USP54: variants seen among roughly 807,000 people sequenced by gnomAD.
USP54 encodes ubiquitin carboxyl-terminal hydrolase 54.
USP54 carries 87 observed loss-of-function variants against 170.5 expected under a neutral mutation model. That is an observed-to-expected ratio of 0.51 (90% CI 0.43 to 0.61). USP54 has a LOEUF of 0.61. USP54 is among the 20% of genes least tolerant of loss of function. USP54 has a pLI of 0.00. For synonymous variants in USP54, 655 were observed against 742.8 expected (o/e 0.88, Z 1.92); for missense variants, 1,786 against 2,047.8 (o/e 0.87, Z 2.47).
At chr10:73,624,698 T>C (rs2081384458) in intron 1 of USP54, among the ~76,000 whole-genome samples, 1 of 152,196 alleles carries the variant, frequency 6.6e-6, no homozygotes, top group South Asian at 2.1e-4. Context: ...TCACTACAAA[T>C]AACAGTTAAC....
intron 5 of USP54, among the ~76,000 whole-genome samples, chr10:73,543,515 C>T (rs1057369093): frequency 7.3e-5 from 11 of 151,552 alleles, no homozygotes; most frequent in Non-Finnish European, 1.3e-4. Flanking sequence ...TACAGGCGCC[C>T]GCCACCACGC....
intron 4 of USP54, among the ~76,000 whole-genome samples, chr10:73,547,192 A>C (rs1324504624): frequency 2.0e-5 from 3 of 152,190 alleles, no homozygotes; most frequent in Non-Finnish European, 2.9e-5. Context: ...ACTTGAGCTC[A>C]GGAGAACAAG....
At chr10:73,558,137 C>A (rs1338449489) in intron 4 of USP54, among the ~76,000 whole-genome samples, 1 of 152,138 alleles carries the variant, frequency 6.6e-6, no homozygotes, top group Non-Finnish European at 1.5e-5. Flanking sequence ...ACTTCGGCCC[C>A]ACAAAGTGCT....
At chr10:73,560,482 C>T (rs1376186130) in intron 4 of USP54, among the ~76,000 whole-genome samples, 8 of 148,412 alleles carry the variant, frequency 5.4e-5, no homozygotes, top group Non-Finnish European at 1.2e-4. Flanking sequence ...GGTGAAACCC[C>T]GTCTCTACTA....
chr10:73,520,932 A>G lies in USP54; in HGVS notation c.2458T>C (p.Leu820=). Residue 820 remains leucine, a synonymous_variant, in exon 18 of 24, where the codon TTG becomes CTG. Coordinates refer to ENST00000687698, the MANE Select transcript of USP54 (RefSeq NM_001391956.1). The part of the protein sequence containing the change: ...LEQKGDCAAA[L]ALCNEAISKL... ...CAGATAGCTTCATTACAGAGAGCCAAAGCTGCAGCACAGTCTCCTTTCTGT... is the reference window on the plus strand; with the variant it reads ...CAGATAGCTTCATTACAGAGAGCCAGAGCTGCAGCACAGTCTCCTTTCTGT... The G allele has an allele frequency of 6.2e-7, 1 of 1,614,198 alleles. No individual in the cohort carries two copies. The highest frequency in any genetic ancestry group is 1.3e-5 in the African/African-American group (1 of 75,064).
intron 1 of USP54, among the ~76,000 whole-genome samples, chr10:73,612,145 T>C (rs902070338): frequency 2.6e-5 from 4 of 152,156 alleles, no homozygotes; most frequent in African/African-American, 9.7e-5. Context: ...GAAAACCTAA[T>C]TTATCCTATA....
chr10:73,530,400 G>A lies in USP54; in HGVS notation c.1571C>T (p.Ser524Phe). ...GCAGTGAGAGCCTACATTGGTCTGA[G>A]AAGCCAGGGATGGTCTGTTATGGAT... Reference protein sequence around the residue: ...NMIHNRPSLASQTNVGSHCRG... With the variant: ...NMIHNRPSLAFQTNVGSHCRG... The change falls in exon 14 of 24, where the codon TCT (serine) becomes TTT (phenylalanine). Residue 524 changes from serine (S) to phenylalanine (F), a missense_variant. By Grantham distance (155) the Ser-to-Phe change is radical. This residue lies in a region of USP54 where 1,418 missense variants were observed against 1,569.0 expected (regional missense o/e 0.90). Coordinates refer to ENST00000687698, the MANE Select transcript of USP54 (RefSeq NM_001391956.1). The A allele has an allele frequency of 1.2e-6, 2 of 1,614,184 alleles. No homozygotes were observed. Among genetic ancestry groups the A allele is most frequent in the Admixed American group, 1.7e-5 (1 of 60,030 alleles).
At chr10:73,518,080 A>C in intron 19 of USP54, 2 of 774,974 alleles carry the variant, frequency 2.6e-6, no homozygotes, top group Non-Finnish European at 3.1e-6. Flanking sequence ...ATTAGGAAAC[A>C]AAATCAGCTA....
intron 3 of USP54, among the ~76,000 whole-genome samples, chr10:73,574,708 C>CAG (rs1213237425): frequency 6.6e-6 from 1 of 151,852 alleles, no homozygotes; most frequent in Admixed American, 6.6e-5. Flanking sequence ...ACCCAAGAGG[C>CAG]AGAGGTTGCA....
chr10:73,531,482 T>C (rs2063959587), intron 12 of USP54, among the ~76,000 whole-genome samples: 1 of 152,166 alleles, frequency 6.6e-6, no homozygotes, highest in South Asian at 2.1e-4. Context: ...AGCCATATAC[T>C]TTCACTCTCA....
chr10:73,605,518 C>T (rs1019964870), intron 1 of USP54, among the ~76,000 whole-genome samples: 1 of 152,054 alleles, frequency 6.6e-6, no homozygotes, highest in Non-Finnish European at 1.5e-5. Flanking sequence ...CAGAGCAAGA[C>T]TCTGTCTCAA....
chr10:73,594,658 G>A (rs546968560), upstream of USP54, among the ~76,000 whole-genome samples: 1 of 151,144 alleles, frequency 6.6e-6, no homozygotes, highest in African/African-American at 2.4e-5. Context: ...GTGGGGAGGG[G>A]TGGGGAAGAG....
At position 73,516,450 on chromosome 10, in the gene USP54, T is replaced by C. The variant is rs1267866882; in HGVS notation, c.3976A>G (p.Ser1326Gly). The C allele has an allele frequency of 6.8e-6, 11 of 1,614,016 alleles. No homozygotes were observed. Among genetic ancestry groups the C allele is most frequent in the Non-Finnish European group, 9.3e-6 (11 of 1,180,018 alleles). The change falls in exon 20 of 24, where the codon AGT becomes GGT. Residue 1326 changes from serine (S) to glycine (G), a missense_variant. Physicochemically the swap from Ser to Gly is moderately conservative, Grantham distance 56 (BLOSUM62 0). Around this residue, in one of 3 missense-constraint regions of USP54, gnomAD observed 1,418 missense variants for 1,569.0 expected, o/e 0.90. Transcript: ENST00000687698. ...TSELESLYQA[S>G]LQASQAGCSG... The stretch of plus-strand genomic sequence containing the variant: ...CAGCCAGCTTGAGAAGCCTGAAGAC[T>C]GGCCTGATACAGAGACTCCAATTCT...
chr10:73,582,372 G>A (rs1321623007), intron 1 of USP54, among the ~76,000 whole-genome samples: 1 of 151,808 alleles, frequency 6.6e-6, no homozygotes, highest in Non-Finnish European at 1.5e-5. Context: ...AGTGTGGGAA[G>A]TTTCTAAGGA....
At chr10:73,565,737 A>T (rs1445902321) in intron 4 of USP54, among the ~76,000 whole-genome samples, 1 of 152,228 alleles carries the variant, frequency 6.6e-6, no homozygotes, top group Non-Finnish European at 1.5e-5. Flanking sequence ...ATATTCTATG[A>T]TCTAGCAATT....
At chr10:73,598,900 C>T (rs2132255819) in intron 1 of USP54, among the ~76,000 whole-genome samples, 1 of 151,238 alleles carries the variant, frequency 6.6e-6, no homozygotes, top group South Asian at 2.1e-4. Flanking sequence ...AGCCTGGCGA[C>T]AGAGAGAGAC....
intron 1 of USP54, among the ~76,000 whole-genome samples, chr10:73,583,138 C>T (rs556548576): frequency 1.8e-3 from 271 of 151,998 alleles, no homozygotes; most frequent in Non-Finnish European, 3.1e-3. Flanking sequence ...TTATAAAAGA[C>T]AAAGAAAGAC....
chr10:73,603,956 TA>T (rs900895114), intron 1 of USP54, among the ~76,000 whole-genome samples: 41 of 149,912 alleles, frequency 2.7e-4, no homozygotes, highest in Admixed American at 1.1e-3. Context: ...TGGCTACTAT[TA>T]AAAAAAAAGG....
intron 23 of USP54, 26 bp from the exon 24 acceptor site, chr10:73,499,214 A>T: frequency 6.4e-7 from 1 of 1,558,860 alleles, no homozygotes; most frequent in East Asian, 2.2e-5. Flanking sequence ...AAACCCAAAG[A>T]CTGAGCATCT....
Sources: gnomAD v4.1 joint callset for allele counts (sites outside exome capture counted in the v4.1 genomes callset) on GRCh38, gnomAD v4.1.1 for gene constraint, gnomAD v4.1.1 regional missense constraint, MANE v1.5 for transcripts, NCBI Gene and HGNC (gene_info 2026-07-23, HGNC 2026-07-21) for gene names.